Variants in ERO1A observed in about 807,000 individuals in gnomAD.
ERO1A encodes ERO1-like protein alpha.
In ERO1A, 49 loss-of-function variants were observed where a neutral mutation model predicts 76.9. The observed-to-expected ratio is 0.64, with a 90% CI of 0.51 to 0.81. ERO1A has a LOEUF of 0.81. ERO1A is among the 30% of genes least tolerant of loss of function. ERO1A has a pLI of 0.00. For synonymous variants in ERO1A, 174 were observed against 181.2 expected (o/e 0.96, Z 0.32); for missense variants, 448 against 542.1 (o/e 0.83, Z 1.72).
intron 2 of ERO1A, among the ~76,000 whole-genome samples, chr14:52,683,116 G>A (rs530590822): frequency 2.0e-5 from 3 of 152,248 alleles, no homozygotes; most frequent in South Asian, 2.1e-4. Context: ...GCTGAGGCAG[G>A]AGAATTGCCT....
chr14:52,680,580 A>T (rs1390183224), intron 3 of ERO1A, among the ~76,000 whole-genome samples: 1 of 152,240 alleles, frequency 6.6e-6, no homozygotes, highest in Non-Finnish European at 1.5e-5. Flanking sequence ...TTTATTAAGC[A>T]TCTACCATAT....
chr14:52,690,312 A>G (rs2041312741), intron 1 of ERO1A, among the ~76,000 whole-genome samples: 1 of 152,220 alleles, frequency 6.6e-6, no homozygotes, highest in African/African-American at 2.4e-5. Context: ...ACAAAGAAAC[A>G]AGCAACAAAA....
intron 1 of ERO1A, among the ~76,000 whole-genome samples, chr14:52,685,031 A>C (rs1269487181): frequency 6.6e-6 from 1 of 152,160 alleles, no homozygotes; most frequent in Non-Finnish European, 1.5e-5. Context: ...ACTTTGGATT[A>C]TATTTTAGGA....
chr14:52,657,409 A>G (rs2040087930), intron 11 of ERO1A, among the ~76,000 whole-genome samples: 1 of 152,160 alleles, frequency 6.6e-6, no homozygotes, highest in African/African-American at 2.4e-5. Context: ...CAATCAATCA[A>G]TGAATAAAAT....
intron 6 of ERO1A, among the ~76,000 whole-genome samples, chr14:52,667,377 G>A (rs533318341): frequency 3.9e-5 from 6 of 152,276 alleles, no homozygotes; most frequent in African/African-American, 1.4e-4. Context: ...TCCAGACCCT[G>A]TTACTTATTT....
At chr14:52,689,380 T>TTA in intron 1 of ERO1A, among the ~76,000 whole-genome samples, 1 of 152,286 alleles carries the variant, frequency 6.6e-6, no homozygotes, top group Middle Eastern at 3.4e-3. Context: ...TGACATGATC[T>TTA]TATATATAGA....
intron 13 of ERO1A, among the ~76,000 whole-genome samples, chr14:52,652,022 G>A (rs1197068611): frequency 6.9e-6 from 1 of 145,970 alleles, no homozygotes; most frequent in African/African-American, 2.5e-5. Context: ...TAAAGACAGG[G>A]TTTCACACGA....
intron 13 of ERO1A, among the ~76,000 whole-genome samples, chr14:52,648,721 T>C (rs1245566743): frequency 6.6e-6 from 1 of 152,210 alleles, no homozygotes; most frequent in African/African-American, 2.4e-5. Context: ...TAAAAGACTG[T>C]GCTTGCTTTT....
At chr14:52,688,019 C>G (rs1479655697) in intron 1 of ERO1A, among the ~76,000 whole-genome samples, 1 of 151,970 alleles carries the variant, frequency 6.6e-6, no homozygotes, top group African/African-American at 2.4e-5. Context: ...GGCCCTATCT[C>G]TACAAAAAAA....
intron 15 of ERO1A, among the ~76,000 whole-genome samples, chr14:52,645,247 A>T (rs1271006932): frequency 6.6e-6 from 1 of 152,044 alleles, no homozygotes; most frequent in Non-Finnish European, 1.5e-5. Flanking sequence ...CGATAAGATG[A>T]ATATTAAAAT....
At chr14:52,678,232 A>T in intron 4 of ERO1A, 1 of 387,664 alleles carries the variant, frequency 2.6e-6, no homozygotes, top group Non-Finnish European at 4.6e-6. Context: ...CCACTGCTCC[A>T]TCTCAAAAAA....
chr14:52,662,397 G>A (rs1165046067), intron 8 of ERO1A, among the ~76,000 whole-genome samples: 2 of 152,130 alleles, frequency 1.3e-5, no homozygotes, highest in East Asian at 3.9e-4. Context: ...AAATCTGCCA[G>A]AATTTAGGGA....
chr14:52,648,447 C>G (rs540444713), intron 13 of ERO1A, among the ~76,000 whole-genome samples: 1 of 152,162 alleles, frequency 6.6e-6, no homozygotes, highest in Non-Finnish European at 1.5e-5. Flanking sequence ...TATGAGGATC[C>G]ACAGAATCCA....
intron 1 of ERO1A, among the ~76,000 whole-genome samples, chr14:52,689,201 G>A (rs187326322): frequency 3.3e-5 from 5 of 152,252 alleles, no homozygotes; most frequent in East Asian, 1.9e-4. Flanking sequence ...TGATCCACCC[G>A]CCTCAGCCTC....
chr14:52,672,776 C>CAAAAAAAAAAAAA (rs1226719026), intron 4 of ERO1A, among the ~76,000 whole-genome samples: 52 of 61,038 alleles, frequency 8.5e-4, no homozygotes, highest in East Asian at 1.4e-3. Context: ...TGTCTCTGAC[C>CAAAAAAAAAAAAA]AAAAAAAAAA....
At chr14:52,669,943 G>A (rs1173634550) in intron 6 of ERO1A, among the ~76,000 whole-genome samples, 1 of 152,150 alleles carries the variant, frequency 6.6e-6, no homozygotes, top group African/African-American at 2.4e-5. Flanking sequence ...GTTGTTTTGA[G>A]AAAGGGTCTC....
rs746526179 is a variant in ERO1A at position 52,683,813 on chromosome 14, T to C, written c.209A>G (p.Glu70Gly). 10 of 1,528,824 alleles carry C rather than the reference T, an allele frequency of 6.5e-6. No homozygotes were observed. In the African/African-American group the frequency reaches 9.6e-5, roughly 15 times the overall value. 94.7% of individuals were successfully genotyped at this position (1,528,824 alleles called of 1,614,324 possible). ...CTTGTAATACCTAAAGTAGTCACTT[T>C]CAAGAAGTTTTTGTAGTCTTGGGAA... ...RLFPRLQKLL[E>G]SDYFRYYKVN... The change falls in exon 2 of 16, where the codon GAA becomes GGA. Residue 70 changes from glutamate (E) to glycine (G), a missense_variant. By Grantham distance (98) the Glu-to-Gly change is moderately conservative. Transcript: ENST00000395686.
intron 1 of ERO1A, among the ~76,000 whole-genome samples, chr14:52,690,463 G>A (rs920018844): frequency 3.9e-5 from 6 of 152,160 alleles, no homozygotes; most frequent in Admixed American, 6.5e-5. Flanking sequence ...GGCAAGGGCC[G>A]GGCACAGTGG....
intron 11 of ERO1A, 112 bp from the exon 12 acceptor site, chr14:52,653,427 T>A: frequency 1.3e-6 from 1 of 766,268 alleles, no homozygotes; most frequent in African/African-American, 1.8e-5. Flanking sequence ...TTTTAAGTTA[T>A]ATAATAACAA....
Sources: gnomAD v4.1 joint callset for allele counts (sites outside exome capture counted in the v4.1 genomes callset) on GRCh38, gnomAD v4.1.1 for gene constraint, MANE v1.5 for transcripts, NCBI Gene and HGNC (gene_info 2026-07-23, HGNC 2026-07-21) for gene names.